The following ABCA1 variants were observed in gnomAD, a reference collection of about 807,000 sequenced individuals.
ABCA1 encodes the protein ATP binding cassette subfamily A member 1, also known as phospholipid-transporting ATPase ABCA1.
Under a neutral mutation model 262.5 loss-of-function variants are expected in ABCA1, and 133 were observed. The observed-to-expected ratio is 0.51, with a 90% confidence interval of 0.44 to 0.59. The LOEUF (loss-of-function observed/expected upper bound fraction) is 0.59. ABCA1 is among the 20% of genes least tolerant of loss of function. The pLI, the probability that ABCA1 is intolerant of heterozygous loss-of-function variation, is 0.00. For synonymous variants in ABCA1, 1,022 were observed against 1,043.5 expected (o/e 0.98, Z 0.40); for missense variants, 2,452 against 2,777.5 (o/e 0.88, Z 2.63).
At chr9:104,827,877 G>C (rs1159294546) in intron 15 of ABCA1, among the ~76,000 whole-genome samples, 2 of 152,164 alleles carry the variant, frequency 1.3e-5, no homozygotes, top group African/African-American at 4.8e-5. Flanking sequence ...TCTGTTAAAA[G>C]GGTTAGTGAG....
chr9:104,838,128 C>G (rs1833988008), intron 9 of ABCA1, among the ~76,000 whole-genome samples: 1 of 150,828 alleles, frequency 6.6e-6, no homozygotes, highest in Admixed American at 6.6e-5. Flanking sequence ...GAGTTCGAGA[C>G]CAGCCTGACC....
chr9:104,890,997 T>C (rs1403790832), intron 2 of ABCA1, among the ~76,000 whole-genome samples: 7 of 152,160 alleles, frequency 4.6e-5, no homozygotes, highest in Admixed American at 4.6e-4. Flanking sequence ...GCAGCATATA[T>C]ACTTTTGTAT....
At chr9:104,796,455 C>A (rs770686062) in intron 37 of ABCA1, 31 bp from the exon 38 acceptor site, 2 of 1,555,024 alleles carry the variant, frequency 1.3e-6, no homozygotes, top group Admixed American at 3.4e-5. Flanking sequence ...ATCCAGTTCA[C>A]CCCTAAATCA....
At chr9:104,830,241 GAGA>G (rs753925947) in intron 14 of ABCA1, among the ~76,000 whole-genome samples, 19 of 152,202 alleles carry the variant, frequency 1.2e-4, no homozygotes, top group Admixed American at 4.6e-4. Context: ...ACCACCTAGG[GAGA>G]AGAAGTGCAC....
At chr9:104,892,695 T>C (rs1839856225) in intron 2 of ABCA1, among the ~76,000 whole-genome samples, 1 of 152,136 alleles carries the variant, frequency 6.6e-6, no homozygotes, top group Non-Finnish European at 1.5e-5. Context: ...AACACGGAAA[T>C]ATAAATCAGT....
At chr9:104,872,350 T>C (rs914538091) in intron 5 of ABCA1, among the ~76,000 whole-genome samples, 4 of 152,228 alleles carry the variant, frequency 2.6e-5, no homozygotes, top group African/African-American at 9.6e-5. Flanking sequence ...GTTTTAAAAA[T>C]GCTTCATCGT....
intron 1 of ABCA1, among the ~76,000 whole-genome samples, chr9:104,920,669 G>A (rs781031702): frequency 3.3e-5 from 5 of 152,002 alleles, no homozygotes; most frequent in Non-Finnish European, 5.9e-5. Flanking sequence ...GCACCACCAC[G>A]CCCAGCTAAT....
chr9:104,890,913 G>A (rs1359520589), intron 2 of ABCA1, among the ~76,000 whole-genome samples: 2 of 152,054 alleles, frequency 1.3e-5, no homozygotes, highest in East Asian at 3.9e-4. Context: ...AGTAACAATG[G>A]ATCTCTGTTA....
chr9:104,820,196 A>C (rs1564128312), intron 20 of ABCA1, 127 bp from the exon 21 acceptor site: 1 of 1,193,564 alleles, frequency 8.4e-7, no homozygotes, highest in Non-Finnish European at 1.2e-6. Flanking sequence ...TAACTTTATC[A>C]ATTTCTGAAA....
intron 5 of ABCA1, among the ~76,000 whole-genome samples, chr9:104,863,446 T>C (rs1335097936): frequency 2.6e-5 from 4 of 152,106 alleles, no homozygotes; most frequent in Admixed American, 2.0e-4. Flanking sequence ...ACTGAAATCA[T>C]TTACCAGAAG....
chr9:104,884,401 G>T (rs1360343446), intron 4 of ABCA1, 26 bp downstream of exon 4: 1 of 1,613,944 alleles, frequency 6.2e-7, no homozygotes, highest in Non-Finnish European at 8.5e-7. Context: ...GACAAGTTTG[G>T]AAAGAAAACC....
intron 5 of ABCA1, among the ~76,000 whole-genome samples, chr9:104,868,155 T>C (rs1365561432): frequency 2.0e-5 from 3 of 151,970 alleles, no homozygotes; most frequent in South Asian, 2.1e-4. Flanking sequence ...AGGTCGGAAG[T>C]TCGAGACCAG....
At chr9:104,819,196 AAAG>A (rs1189306904) in intron 22 of ABCA1, among the ~76,000 whole-genome samples, 23 of 152,300 alleles carry the variant, frequency 1.5e-4, no homozygotes, top group Admixed American at 1.4e-3. Flanking sequence ...TATTATCGGC[AAAG>A]AAGGTGAGGC....
At chr9:104,829,300 C>T (rs769754367) in intron 14 of ABCA1, among the ~76,000 whole-genome samples, 162 bp from the exon 15 acceptor site, 4 of 152,200 alleles carry the variant, frequency 2.6e-5, no homozygotes, top group South Asian at 2.1e-4. Context: ...CAATGCTTCA[C>T]GAGCAATGCA....
In ABCA1 at chr9:104,837,701, AT is replaced by A. The variant is rs1290912732; in HGVS notation, c.1055-135del. ...CTACTAGTCATATAATAAGTAACTT[AT>A]CTGAGCCTCAGTTGGCTCCTCTGTA... is the stretch of plus-strand genomic sequence containing the variant. On this transcript the variant is annotated intron_variant, in intron 9 of 49. Transcript: ENST00000374736. 7 of 1,067,488 alleles carry A rather than the reference AT, an allele frequency of 6.6e-6. No individual in the cohort carries two copies. The African/African-American group carries it at 1.1e-4, about 17-fold the overall frequency. 66.1% of individuals were successfully genotyped at this position (1,067,488 alleles called of 1,614,324 possible).
At chr9:104,788,148 A>G in intron 45 of ABCA1, 94 bp from the exon 46 acceptor site, 1 of 1,367,342 alleles carries the variant, frequency 7.3e-7, no homozygotes, top group Non-Finnish European at 1.0e-6. Context: ...TTCACTGAGT[A>G]GGACTAGATT....
rs1836403558 is a variant in ABCA1, at chr9:104,861,703, C to T, written c.519G>A (p.Leu173=). 6.2e-7 allele frequency: 1 copy of T among 1,614,028 alleles called. No homozygotes were observed. The highest frequency in any genetic ancestry group is 1.1e-5 in the South Asian group (1 of 91,082). ...CCTTGTGGAGAATGACATCAGCCCT[C>T]AGCATCTTGTCCACAGTAGACTTTG... ...SLPKSTVDKM[L]RADVILHKVF... is the part of the protein sequence containing the mutation. Residue 173 remains leucine (L), a synonymous_variant, in exon 6 of 50, where the codon CTG becomes CTA. Coordinates refer to ENST00000374736, the MANE Select transcript of ABCA1 (RefSeq NM_005502.4).
At chr9:104,884,978 G>A (rs565179619) in intron 3 of ABCA1, among the ~76,000 whole-genome samples, 14 of 152,330 alleles carry the variant, frequency 9.2e-5, no homozygotes, top group Admixed American at 5.9e-4. Context: ...GCTCGCGCCT[G>A]TAATCCCAGC....
intron 1 of ABCA1, among the ~76,000 whole-genome samples, chr9:104,924,719 G>T (rs1057466499): frequency 6.6e-6 from 1 of 151,820 alleles, no homozygotes; most frequent in Admixed American, 6.6e-5. Flanking sequence ...ATAATTAGAA[G>T]AGTCTATCTA....
Sources: allele counts gnomAD v4.1 joint callset (sites outside exome capture counted in the v4.1 genomes callset), GRCh38; gene constraint gnomAD v4.1.1; transcripts MANE v1.5; gene names NCBI Gene and HGNC (gene_info 2026-07-23, HGNC 2026-07-21).